Variants in MGME1 observed in about 807,000 individuals in gnomAD.
MGME1 encodes chromosome 20 open reading frame 72.
Under a neutral mutation model 33.0 loss-of-function variants are expected in MGME1, and 22 were observed. That is an observed-to-expected ratio of 0.67 (90% CI 0.48 to 0.95). The LOEUF is 0.95. Ranked by LOEUF, MGME1 falls within the 40% of genes least tolerant of loss-of-function variation. The pLI is 0.00. For missense variants in MGME1, 383 were observed against 397.8 expected (o/e 0.96, Z 0.32); for synonymous variants, 133 against 144.0 (o/e 0.92, Z 0.55).
intron 2 of MGME1, chr20:17,972,848 C>T (rs1362677898): frequency 1.1e-6 from 1 of 885,298 alleles, no homozygotes. Context: ...CTTCATTAAC[C>T]TAGTGTGTAG....
intron 2 of MGME1, among the ~76,000 whole-genome samples, chr20:17,973,328 A>G (rs2035776494): frequency 1.3e-5 from 2 of 151,862 alleles, no homozygotes; most frequent in Non-Finnish European, 2.9e-5. Flanking sequence ...TGGAAAAAAA[A>G]AGAATTGACA....
At chr20:17,968,625 G>A (rs946084163), upstream of MGME1, 3 of 624,066 alleles carry the variant, frequency 4.8e-6, no homozygotes, top group Non-Finnish European at 8.6e-6. Flanking sequence ...GGCGCCACGT[G>A]CTCCCCCAGA....
intron 3 of MGME1, among the ~76,000 whole-genome samples, chr20:17,978,976 A>G (rs1452917787): frequency 6.6e-6 from 1 of 150,826 alleles, no homozygotes; most frequent in Non-Finnish European, 1.5e-5. Flanking sequence ...TGGGGTTTGG[A>G]CATGTTGCCC....
At chr20:17,969,565 G>C (rs1489958150) in intron 1 of MGME1, among the ~76,000 whole-genome samples, 1 of 152,216 alleles carries the variant, frequency 6.6e-6, no homozygotes, top group East Asian at 1.9e-4. Flanking sequence ...CATTCCTGCA[G>C]ATTAGAAACT....
At chr20:17,979,078 T>A (rs959748204) in intron 3 of MGME1, among the ~76,000 whole-genome samples, 4 of 151,646 alleles carry the variant, frequency 2.6e-5, no homozygotes, top group African/African-American at 9.7e-5. Flanking sequence ...GCACCCAGCC[T>A]AGAATTTTTT....
At chr20:17,970,533 C>T (rs1281910900) in intron 2 of MGME1, among the ~76,000 whole-genome samples, 163 bp downstream of exon 2, 1 of 152,226 alleles carries the variant, frequency 6.6e-6, no homozygotes, top group African/African-American at 2.4e-5. Context: ...TATTAACTCA[C>T]TTGATCCTCA....
intron 4 of MGME1, 33 bp downstream of exon 4, chr20:17,988,331 C>T: frequency 1.9e-6 from 3 of 1,603,396 alleles, no homozygotes; most frequent in Non-Finnish European, 2.6e-6. Context: ...TAAAGCTTTG[C>T]TCAATGCTTA....
At chr20:17,972,436 ATTTT>A (rs143594137) in intron 2 of MGME1, among the ~76,000 whole-genome samples, 3 of 125,708 alleles carry the variant, frequency 2.4e-5, no homozygotes, top group Non-Finnish European at 1.7e-5. Context: ...TTAGGTTTTA[ATTTT>A]TTTTTTTTTT....
chr20:17,976,039 G>T (rs1037689826), intron 3 of MGME1, 136 bp downstream of exon 3: 12 of 697,918 alleles, frequency 1.7e-5, no homozygotes, highest in Non-Finnish European at 2.2e-5. Context: ...GGGTGGGGCG[G>T]GGTTGAGAAC....
chr20:17,986,444 C>T (rs1023918740), intron 3 of MGME1, among the ~76,000 whole-genome samples: 1 of 151,378 alleles, frequency 6.6e-6, no homozygotes, highest in Non-Finnish European at 1.5e-5. Flanking sequence ...GGTGCAATCT[C>T]GGCTCACTGC....
chr20:17,987,041 G>A (rs2036169644), intron 3 of MGME1, among the ~76,000 whole-genome samples: 2 of 151,820 alleles, frequency 1.3e-5, no homozygotes, highest in Admixed American at 6.6e-5. Flanking sequence ...TTAGCTGGGC[G>A]AGGTGGCGCA....
At chr20:17,975,214 T>C (rs1252065570) in intron 2 of MGME1, among the ~76,000 whole-genome samples, 8 of 152,124 alleles carry the variant, frequency 5.3e-5, no homozygotes, top group African/African-American at 1.9e-4. Context: ...TATTCTTAGG[T>C]TTCACAAGAG....
At chr20:17,983,587 C>T (rs571007690) in intron 3 of MGME1, among the ~76,000 whole-genome samples, 1 of 152,274 alleles carries the variant, frequency 6.6e-6, no homozygotes, top group Admixed American at 6.5e-5. Context: ...GTTCTCTTTT[C>T]TGCAGTCCTC....
chr20:17,984,760 G>T (rs529097641), intron 3 of MGME1, among the ~76,000 whole-genome samples: 14 of 152,240 alleles, frequency 9.2e-5, no homozygotes, highest in Admixed American at 9.2e-4. Context: ...AGAGGCCGGG[G>T]CATGGTGGCT....
In MGME1 at chr20:17,975,878, C is replaced by T. The variant is rs1226208212; in HGVS notation, c.706C>T (p.Leu236=). The change falls in exon 3 of 5, where the codon CTG becomes TTG. Residue 236 remains leucine, a synonymous_variant. Coordinates refer to ENST00000377710, the MANE Select transcript of MGME1 (RefSeq NM_052865.4). The stretch of plus-strand genomic sequence containing the variant: ...ACATGAAACCTTAAACTATATAGGT[C>T]TGCTGGACTGTGTGGCTGAGTATCA... ...VQHETLNYIG[L]LDCVAEYQGK... The T allele has an allele frequency of 6.2e-7, 1 of 1,613,710 alleles. No individual in the cohort carries two copies. Among genetic ancestry groups the T allele is most frequent in the Non-Finnish European group, 8.5e-7 (1 of 1,179,780 alleles).
chr20:17,969,720 A>G, intron 1 of MGME1, 81 bp from the exon 2 acceptor site: 2 of 867,250 alleles, frequency 2.3e-6, no homozygotes, highest in Non-Finnish European at 3.5e-6. Context: ...CTGTCCAAAC[A>G]TGTCGAAAAA....
Position 17,990,156 on chromosome 20 carries a change from G to A in MGME1, c.*47G>A. 6.4e-7 allele frequency: 1 copy of A among 1,559,148 alleles called. No homozygotes were observed. Among genetic ancestry groups the A allele is most frequent in the Non-Finnish European group, 8.8e-7 (1 of 1,130,478 alleles). ...ACATTCAGCACCTTCTCACAGTTTG[G>A]GAACATATATTGCTGTTTACTCCAG... On this transcript the variant is annotated 3_prime_UTR_variant, in exon 5 of 5. Transcript: ENST00000377710.
chr20:17,986,258 G>A (rs1443287428), intron 3 of MGME1, among the ~76,000 whole-genome samples: 1 of 152,000 alleles, frequency 6.6e-6, no homozygotes, highest in South Asian at 2.1e-4. Flanking sequence ...TAGTAGAGAC[G>A]AGGTTTCACC....
intron 3 of MGME1, among the ~76,000 whole-genome samples, chr20:17,981,405 A>G (rs2036015429): frequency 6.6e-6 from 1 of 152,356 alleles, no homozygotes; most frequent in East Asian, 1.9e-4. Context: ...TTAAGATAAG[A>G]CAAATGGTAG....
Sources: gnomAD v4.1 joint callset for allele counts (sites outside exome capture counted in the v4.1 genomes callset) on GRCh38, gnomAD v4.1.1 for gene constraint, MANE v1.5 for transcripts, NCBI Gene and HGNC (gene_info 2026-07-23, HGNC 2026-07-21) for gene names.